Variants in SPOCK1 observed in about 807,000 individuals in gnomAD.
SPOCK1 encodes the protein SPARC (osteonectin), cwcv and kazal like domains proteoglycan 1.
A neutral mutation model predicts 55.3 loss-of-function variants in SPOCK1; 23 were observed. That is an observed-to-expected ratio of 0.42 (90% CI 0.30 to 0.59). The LOEUF is 0.59. Among genes scored for constraint, SPOCK1 ranks in the 20% least tolerant of loss-of-function variants. SPOCK1 has a pLI of 0.22. For synonymous variants in SPOCK1, 226 were observed against 221.0 expected (o/e 1.02, Z -0.20); for missense variants, 499 against 552.5 (o/e 0.90, Z 0.97).
chr5:137,306,663 T>C (rs1757705322), intron 2 of SPOCK1, among the ~76,000 whole-genome samples: 2 of 152,050 alleles, frequency 1.3e-5, no homozygotes, highest in South Asian at 2.1e-4. Context: ...GGAAATTTTA[T>C]TATAAAGCTG....
At chr5:137,340,742 G>A (rs1245381725) in intron 2 of SPOCK1, among the ~76,000 whole-genome samples, 6 of 152,122 alleles carry the variant, frequency 3.9e-5, no homozygotes, top group African/African-American at 9.7e-5. Context: ...TTAGCTGGGC[G>A]TGGTGGTGTA....
intron 3 of SPOCK1, among the ~76,000 whole-genome samples, chr5:137,144,716 G>A (rs1232481559): frequency 1.3e-5 from 2 of 151,732 alleles, no homozygotes; most frequent in African/African-American, 4.8e-5. Flanking sequence ...GGAAAGGACT[G>A]TGGCTGCACT....
intron 6 of SPOCK1, among the ~76,000 whole-genome samples, chr5:137,013,612 C>T (rs572463465): frequency 2.0e-5 from 3 of 152,246 alleles, no homozygotes; most frequent in African/African-American, 7.2e-5. Flanking sequence ...CGAATGCCAA[C>T]CTCTCCCTCC....
At chr5:137,497,851 C>CA (rs2149847173) in intron 2 of SPOCK1, among the ~76,000 whole-genome samples, 1 of 151,962 alleles carries the variant, frequency 6.6e-6, no homozygotes, top group South Asian at 2.1e-4. Flanking sequence ...TCCCTCAACA[C>CA]ACACACACAC....
At chr5:137,315,578 C>T (rs1051935840) in intron 2 of SPOCK1, among the ~76,000 whole-genome samples, 1 of 152,192 alleles carries the variant, frequency 6.6e-6, no homozygotes, top group East Asian at 1.9e-4. Flanking sequence ...GCCACCAGAG[C>T]ACATCGAGTG....
At chr5:137,385,750 T>C (rs1751585430) in intron 2 of SPOCK1, among the ~76,000 whole-genome samples, 3 of 152,180 alleles carry the variant, frequency 2.0e-5, no homozygotes. Context: ...AACCAACCCA[T>C]TCATCCATTC....
At chr5:137,252,663 C>T (rs1029494971) in intron 3 of SPOCK1, among the ~76,000 whole-genome samples, 2 of 152,200 alleles carry the variant, frequency 1.3e-5, no homozygotes, top group Non-Finnish European at 1.5e-5. Context: ...AATAATGCCT[C>T]TTCATCTGAG....
intron 2 of SPOCK1, among the ~76,000 whole-genome samples, chr5:137,380,070 G>C (rs117138538): frequency 6.6e-6 from 1 of 152,274 alleles, no homozygotes; most frequent in East Asian, 1.9e-4. Flanking sequence ...AACTCCCTAA[G>C]ACCCACACCT....
At chr5:137,058,184 C>T (rs144383439) in intron 6 of SPOCK1, among the ~76,000 whole-genome samples, 1,549 of 152,148 alleles carry the variant, frequency 0.01, 9 homozygotes, top group Middle Eastern at 0.017. Flanking sequence ...AAAGGAAGCC[C>T]GACCTTTCAG....
intron 6 of SPOCK1, among the ~76,000 whole-genome samples, chr5:137,042,858 T>C (rs1291300923): frequency 6.6e-6 from 1 of 152,126 alleles, no homozygotes. Flanking sequence ...TACATTTATA[T>C]ACACACACAT....
Position 137,108,423 on chromosome 5 carries a change from A to G in SPOCK1, c.474+4012T>C, listed in dbSNP as rs1753406493. Among the ~76,000 whole-genome samples, 5 of 152,224 alleles carry G rather than the reference A, an allele frequency of 3.3e-5. 1 individual carries two copies. The South Asian group carries it at 1.0e-3, about 32-fold the overall frequency. On this transcript the variant is annotated intron_variant, in intron 5 of 10. Coordinates refer to ENST00000394945, the MANE Select transcript of SPOCK1 (RefSeq NM_004598.4). ...TCTAGATGTTCACATAAGACAGAAG[A>G]CTAGCACACTAATGCCAAGAACCAA...
intron 2 of SPOCK1, among the ~76,000 whole-genome samples, chr5:137,360,519 G>T (rs1050916078): frequency 6.6e-6 from 1 of 152,144 alleles, no homozygotes; most frequent in Admixed American, 6.5e-5. Flanking sequence ...ATTCTCTCTG[G>T]AACATTGCCT....
At chr5:137,148,053 A>C (rs199874325) in intron 3 of SPOCK1, among the ~76,000 whole-genome samples, 17 of 152,226 alleles carry the variant, frequency 1.1e-4, no homozygotes, top group Admixed American at 2.0e-4. Flanking sequence ...CCGGACAGCC[A>C]CAGCCTCTGC....
intron 9 of SPOCK1, among the ~76,000 whole-genome samples, chr5:136,982,020 T>C (rs1363677187): frequency 2.0e-5 from 3 of 152,228 alleles, no homozygotes; most frequent in African/African-American, 4.8e-5. Context: ...CCCATTGTGT[T>C]ACAATTGCCT....
chr5:137,086,026 T>G (rs1004424636), intron 5 of SPOCK1, among the ~76,000 whole-genome samples: 38 of 152,176 alleles, frequency 2.5e-4, no homozygotes, highest in Admixed American at 1.7e-3. Context: ...AAATGCTGTT[T>G]TAAGGCAAAT....
chr5:137,148,046 G>A (rs745669356), intron 3 of SPOCK1, among the ~76,000 whole-genome samples: 14 of 152,024 alleles, frequency 9.2e-5, no homozygotes, highest in African/African-American at 2.2e-4. Context: ...TTCCTCTCCG[G>A]ACAGCCACAG....
At chr5:137,207,881 C>A (rs1432015747) in intron 3 of SPOCK1, among the ~76,000 whole-genome samples, 2 of 152,168 alleles carry the variant, frequency 1.3e-5, no homozygotes, top group African/African-American at 4.8e-5. Flanking sequence ...AGTCCACAAT[C>A]CTACACGGTT....
At chr5:137,089,013 G>A (rs1038100085) in intron 5 of SPOCK1, among the ~76,000 whole-genome samples, 6 of 152,156 alleles carry the variant, frequency 3.9e-5, no homozygotes, top group Admixed American at 1.3e-4. Flanking sequence ...TCAACATGCC[G>A]AGAGAGGAGG....
At chr5:137,483,569 T>C (rs1221735557) in intron 2 of SPOCK1, among the ~76,000 whole-genome samples, 1 of 152,144 alleles carries the variant, frequency 6.6e-6, no homozygotes, top group African/African-American at 2.4e-5. Context: ...CTGGACTATA[T>C]CTTACATTAA....
Sources: gnomAD v4.1 joint callset for allele counts (sites outside exome capture counted in the v4.1 genomes callset) on GRCh38, gnomAD v4.1.1 for gene constraint, MANE v1.5 for transcripts, NCBI Gene and HGNC (gene_info 2026-07-23, HGNC 2026-07-21) for gene names.